Variants in ZFP1 observed in about 807,000 individuals in gnomAD.
The protein encoded by ZFP1 is ZFP1 zinc finger protein.
ZFP1 carries 32 observed loss-of-function variants against 38.5 expected under a neutral mutation model. The ratio of observed to expected loss-of-function variants is 0.83; its 90% CI spans 0.63 to 1.12. The LOEUF (loss-of-function observed/expected upper bound fraction) is 1.12, where lower values mean the gene tolerates loss of function less well. ZFP1 is among the 50% of genes most tolerant of loss of function. The pLI is 0.00. For synonymous variants in ZFP1, 245 were observed against 168.8 expected (o/e 1.45, Z -3.50); for missense variants, 616 against 480.8 (o/e 1.28, Z -2.63).
At chr16:75,163,377 A>G (rs1397715323) in intron 2 of ZFP1, among the ~76,000 whole-genome samples, 3 of 150,250 alleles carry the variant, frequency 2.0e-5, no homozygotes, top group Non-Finnish European at 4.4e-5. Flanking sequence ...TAGTGGCATG[A>G]TCTCGCTCAC....
At chr16:75,121,404 A>C in the ZFP1 span, among the ~76,000 whole-genome samples, 48 of 152,200 alleles carry the variant, frequency 3.2e-4, no homozygotes, top group East Asian at 8.1e-3. Context: ...GGATTACAGG[A>C]ATGAACCACC....
intron 2 of ZFP1, among the ~76,000 whole-genome samples, chr16:75,157,603 C>G (rs2145526495): frequency 6.6e-6 from 1 of 152,150 alleles, no homozygotes; most frequent in Middle Eastern, 3.4e-3. Flanking sequence ...GTCCATTCCT[C>G]AGTTTAGTTC....
At chr16:75,139,382 A>C in the ZFP1 span, among the ~76,000 whole-genome samples, 2 of 147,122 alleles carry the variant, frequency 1.4e-5, no homozygotes, top group South Asian at 2.1e-4. Flanking sequence ...AAAAAAAAAA[A>C]AAAAAAAAAA....
the ZFP1 span, among the ~76,000 whole-genome samples, chr16:75,134,753 A>C: frequency 6.7e-6 from 1 of 149,788 alleles, no homozygotes. Flanking sequence ...TCCGCCTCAA[A>C]AAAAAAAAAA....
At chr16:75,150,761 C>G (rs1213748269) in intron 1 of ZFP1, among the ~76,000 whole-genome samples, 1 of 152,002 alleles carries the variant, frequency 6.6e-6, no homozygotes, top group Non-Finnish European at 1.5e-5. Flanking sequence ...ATATGATGAT[C>G]TCTCTGGGTA....
At chr16:75,124,622 A>T in the ZFP1 span, among the ~76,000 whole-genome samples, 18 of 150,722 alleles carry the variant, frequency 1.2e-4, no homozygotes, top group South Asian at 3.7e-3. Flanking sequence ...TCTCTACTAA[A>T]AATACAAAAA....
At chr16:75,139,419 T>G in the ZFP1 span, among the ~76,000 whole-genome samples, 1 of 140,068 alleles carries the variant, frequency 7.1e-6, no homozygotes, top group African/African-American at 2.6e-5. Flanking sequence ...CAGTCGGGCC[T>G]GGGGGCTCAC....
chr16:75,128,652 C>T, the ZFP1 span, among the ~76,000 whole-genome samples: 1 of 152,074 alleles, frequency 6.6e-6, no homozygotes. Flanking sequence ...TTTTTTTCCC[C>T]ATTTTGCCTA....
chr16:75,138,413 G>T, the ZFP1 span, among the ~76,000 whole-genome samples: 2 of 152,142 alleles, frequency 1.3e-5, no homozygotes, highest in Non-Finnish European at 1.5e-5. Context: ...CAAACAAAAG[G>T]AGTAACTTTA....
At chr16:75,124,555 G>T in the ZFP1 span, among the ~76,000 whole-genome samples, 1 of 149,890 alleles carries the variant, frequency 6.7e-6, no homozygotes, top group Admixed American at 6.6e-5. Context: ...AGGCTGAGGC[G>T]GGTGGATCAT....
At chr16:75,128,304 G>A in the ZFP1 span, among the ~76,000 whole-genome samples, 32 of 152,030 alleles carry the variant, frequency 2.1e-4, no homozygotes, top group South Asian at 2.1e-4. Context: ...GGCTGGGCTC[G>A]GCTTTAAAAA....
upstream of ZFP1, among the ~76,000 whole-genome samples, chr16:75,146,938 TCAAAAA>T (rs2036956909): frequency 4.3e-5 from 1 of 23,402 alleles, no homozygotes; most frequent in Non-Finnish European, 7.9e-5. Context: ...AGACCCTGTG[TCAAAAA>T]AAAAAAAAAA....
chr16:75,123,820 G>A, the ZFP1 span, among the ~76,000 whole-genome samples: 10 of 151,270 alleles, frequency 6.6e-5, no homozygotes, highest in African/African-American at 9.7e-5. Context: ...AGCCAGGTGT[G>A]GTGGCTCACA....
the ZFP1 span, among the ~76,000 whole-genome samples, chr16:75,131,688 G>C: frequency 6.6e-6 from 1 of 152,142 alleles, no homozygotes. Context: ...TCTTGTCCAG[G>C]CACAGCGGCT....
In ZFP1 at chr16:75,166,905, G is replaced by C; in HGVS notation, c.142+9G>C. 1 of 1,612,000 alleles carries C rather than the reference G, an allele frequency of 6.2e-7. No homozygotes were observed. Among genetic ancestry groups the C allele is most frequent in the Non-Finnish European group, 8.5e-7 (1 of 1,178,534 alleles). On this transcript the variant is annotated intron_variant, in intron 3 of 3. Coordinates refer to ENST00000570010, the MANE Select transcript of ZFP1 (RefSeq NM_153688.4). ...CAACTTACTTTCAGTGGGTAAGGAC[G>C]GTTTTCAGGTACAGCTCACCATGTG... is the stretch of plus-strand genomic sequence containing the variant.
At chr16:75,161,982 C>T (rs2037814339) in intron 2 of ZFP1, among the ~76,000 whole-genome samples, 2 of 149,148 alleles carry the variant, frequency 1.3e-5, no homozygotes, top group South Asian at 2.1e-4. Context: ...AAAGGGTTTC[C>T]CCATGTTGGC....
At chr16:75,133,226 T>G in the ZFP1 span, among the ~76,000 whole-genome samples, 1 of 152,048 alleles carries the variant, frequency 6.6e-6, no homozygotes, top group Non-Finnish European at 1.5e-5. Context: ...ATCTGCCCGC[T>G]TTGGCCTCCC....
upstream of ZFP1, among the ~76,000 whole-genome samples, chr16:75,147,834 C>A (rs77224534): frequency 6.8e-3 from 1,029 of 152,220 alleles, 11 homozygotes; most frequent in African/African-American, 0.024. Flanking sequence ...ATGAGTAGTT[C>A]TGGGGAGATG....
intron 3 of ZFP1, 40 bp downstream of exon 3, chr16:75,166,936 A>AG: frequency 6.3e-7 from 1 of 1,594,208 alleles, no homozygotes; most frequent in Non-Finnish European, 8.6e-7. Flanking sequence ...ATGTGCCTAG[A>AG]GGTATTTATG....
Sources: allele counts gnomAD v4.1 joint callset (sites outside exome capture counted in the v4.1 genomes callset), GRCh38; gene constraint gnomAD v4.1.1; transcripts MANE v1.5; gene names NCBI Gene and HGNC (gene_info 2026-07-23, HGNC 2026-07-21).